The following ARFGEF3 variants were observed in gnomAD, a reference collection of about 807,000 sequenced individuals.
ARFGEF3 encodes brefeldin A-inhibited guanine nucleotide-exchange protein 3.
In ARFGEF3, 96 loss-of-function variants were observed where a neutral mutation model predicts 221.7. The ratio of observed to expected loss-of-function variants is 0.43; its 90% CI spans 0.37 to 0.51. ARFGEF3 has a LOEUF of 0.51. ARFGEF3 is among the 20% of genes least tolerant of loss of function. The pLI is 0.00. For synonymous variants in ARFGEF3, 1,145 were observed against 1,126.8 expected (o/e 1.02, Z -0.32); for missense variants, 2,410 against 2,789.9 (o/e 0.86, Z 3.07).
At chr6:138,321,781 A>G (rs565768701) in intron 29 of ARFGEF3, among the ~76,000 whole-genome samples, 1 of 152,230 alleles carries the variant, frequency 6.6e-6, no homozygotes, top group Non-Finnish European at 1.5e-5. Context: ...CTGTACTCCC[A>G]TGTTCACAAT....
At chr6:138,330,585 G>A (rs913712137) in intron 32 of ARFGEF3, among the ~76,000 whole-genome samples, 12 of 152,122 alleles carry the variant, frequency 7.9e-5, no homozygotes, top group East Asian at 1.9e-4. Flanking sequence ...CAGGAGAATC[G>A]CTTGAACCCA....
At chr6:138,285,795 A>C in intron 14 of ARFGEF3, 151 bp from the exon 15 acceptor site, 2 of 564,938 alleles carry the variant, frequency 3.5e-6, no homozygotes, top group Non-Finnish European at 6.3e-6. Context: ...AATAAAGTAA[A>C]ATTTATGATA....
chr6:138,299,665 G>A (rs1208255519), intron 22 of ARFGEF3, among the ~76,000 whole-genome samples: 1 of 151,968 alleles, frequency 6.6e-6, no homozygotes, highest in East Asian at 1.9e-4. Flanking sequence ...TCCCGCGAGG[G>A]AATTTGCTAG....
chr6:138,211,004 C>T (rs1777717471), intron 4 of ARFGEF3, among the ~76,000 whole-genome samples: 1 of 152,168 alleles, frequency 6.6e-6, no homozygotes, highest in African/African-American at 2.4e-5. Flanking sequence ...CTGAAGCCAG[C>T]CTGTCTGGGT....
intron 4 of ARFGEF3, among the ~76,000 whole-genome samples, chr6:138,215,311 G>A (rs1299328448): frequency 2.6e-5 from 4 of 152,136 alleles, no homozygotes; most frequent in African/African-American, 9.7e-5. Flanking sequence ...ATCCTATCTG[G>A]GGAGGGCAGG....
chr6:138,280,782 C>T (rs969603621), intron 14 of ARFGEF3, among the ~76,000 whole-genome samples: 1 of 152,016 alleles, frequency 6.6e-6, no homozygotes, highest in African/African-American at 2.4e-5. Context: ...ACCCGGGAGG[C>T]AGAGGTTGCA....
rs573171163 is a variant in ARFGEF3 at position 138,317,414 on chromosome 6, G to A, written c.4474+35G>A. 2.0e-4 allele frequency: 319 copies of A among 1,612,768 alleles called. 7 individuals are homozygous for A. The South Asian group carries it at 3.3e-3, about 17-fold the overall frequency. ...TCTGTGTCCGTCTTTTGGGGGAGTG[G>A]TTATACATGTAACTCTTTTCAAGAG... is the stretch of plus-strand genomic sequence containing the variant. On this transcript the variant is annotated intron_variant, in intron 27 of 33. Transcript: ENST00000251691.
rs1169810534 is a variant in ARFGEF3, at chr6:138,162,405, C to A, written c.85+234C>A. On this transcript the variant is annotated intron_variant, in intron 1 of 33. Transcript: ENST00000251691. The surrounding 1 kb of genome is among the most constrained non-coding windows in gnomAD (Gnocchi z 4.7). ...CGAAACCTTCCTCGGGAACCGCTGT[C>A]CTCCCTGCCTGGCGGCCCCCTTCTC... Among the ~76,000 whole-genome samples the A allele has an allele frequency of 1.3e-5, 2 of 152,230 alleles. No homozygotes were observed. Among genetic ancestry groups the A allele is most frequent in the Non-Finnish European group, 2.9e-5 (2 of 68,040 alleles).
intron 4 of ARFGEF3, chr6:138,216,246 T>C (rs1777855743): frequency 6.6e-6 from 1 of 152,262 alleles, no homozygotes. Flanking sequence ...AGTGCTGGGA[T>C]TACAGGCGTG....
intron 32 of ARFGEF3, among the ~76,000 whole-genome samples, chr6:138,330,362 C>T (rs565444577): frequency 1.2e-4 from 18 of 152,294 alleles, no homozygotes; most frequent in Non-Finnish European, 1.3e-4. Context: ...GGAAGAGGGC[C>T]TTCACCAGGT....
At chr6:138,260,533 T>A (rs148274662) in intron 10 of ARFGEF3, among the ~76,000 whole-genome samples, 1 of 152,100 alleles carries the variant, frequency 6.6e-6, no homozygotes, top group African/African-American at 2.4e-5. Flanking sequence ...TGAGAAGAAA[T>A]AAATGGGAGG....
intron 4 of ARFGEF3, 28 bp from the exon 5 acceptor site, chr6:138,229,756 T>G (rs1389168841): frequency 6.3e-7 from 1 of 1,582,072 alleles, no homozygotes; most frequent in Non-Finnish European, 8.7e-7. Context: ...ACCCCTTGTC[T>G]CTTCTTTCAT....
intron 2 of ARFGEF3, among the ~76,000 whole-genome samples, chr6:138,192,918 T>C (rs913370637): frequency 2.0e-5 from 3 of 152,246 alleles, no homozygotes; most frequent in Non-Finnish European, 4.4e-5. Context: ...AACATTTTTT[T>C]TTTATGATAG....
intron 4 of ARFGEF3, among the ~76,000 whole-genome samples, chr6:138,219,734 G>A (rs973399245): frequency 2.0e-5 from 3 of 152,098 alleles, no homozygotes; most frequent in Admixed American, 6.6e-5. Flanking sequence ...TTAAGAGATA[G>A]AGACTGAGTT....
chr6:138,253,931 C>A lies in ARFGEF3; in HGVS notation c.717C>A (p.Leu239=). ...LLYLECILSV[L]SSSSSSMHLH... is the part of the protein sequence containing the mutation. ...ACCTGGAGTGCATCCTGTCTGTGCTCAGCAGCTCCTCCTCCTCCATGCACC... is the reference window on the plus strand; with the variant it reads ...ACCTGGAGTGCATCCTGTCTGTGCTAAGCAGCTCCTCCTCCTCCATGCACC... Residue 239 remains leucine, a synonymous_variant, in exon 9 of 34, where the codon CTC becomes CTA. Transcript: ENST00000251691. The A allele has an allele frequency of 6.3e-7, 1 of 1,597,408 alleles. No individual in the cohort carries two copies. The highest frequency in any genetic ancestry group is 2.3e-5 in the East Asian group (1 of 44,226).
At chr6:138,195,125 C>T (rs1345461186) in intron 2 of ARFGEF3, among the ~76,000 whole-genome samples, 1 of 150,650 alleles carries the variant, frequency 6.6e-6, no homozygotes, top group African/African-American at 2.4e-5. Context: ...GCCTCAGCCT[C>T]CCGAGTAGCT....
chr6:138,191,334 T>A (rs1424442287), intron 2 of ARFGEF3, among the ~76,000 whole-genome samples: 2 of 152,118 alleles, frequency 1.3e-5, no homozygotes, highest in African/African-American at 4.8e-5. Flanking sequence ...TCAAATTAAA[T>A]GAGATAATGT....
At chr6:138,200,120 T>C (rs1777505864) in intron 2 of ARFGEF3, among the ~76,000 whole-genome samples, 1 of 152,210 alleles carries the variant, frequency 6.6e-6, no homozygotes, top group South Asian at 2.1e-4. Context: ...TTTTTCTGCA[T>C]CTATTGAGAT....
intron 10 of ARFGEF3, among the ~76,000 whole-genome samples, chr6:138,259,901 G>A (rs918162615): frequency 2.0e-5 from 3 of 151,672 alleles, no homozygotes; most frequent in African/African-American, 7.3e-5. Context: ...GTGACAGAGC[G>A]AGATTCCATC....
Sources: allele counts gnomAD v4.1 joint callset (sites outside exome capture counted in the v4.1 genomes callset), GRCh38; gene constraint gnomAD v4.1.1; non-coding constraint Gnocchi (gnomAD v3.1); transcripts MANE v1.5; gene names NCBI Gene and HGNC (gene_info 2026-07-23, HGNC 2026-07-21).